Variants in SNRNP200 observed in about 807,000 individuals in gnomAD.
SNRNP200 encodes U5 small nuclear ribonucleoprotein 200 kDa helicase.
A neutral mutation model predicts 255.2 loss-of-function variants in SNRNP200; 66 were observed. That is an observed-to-expected ratio of 0.26 (90% CI 0.21 to 0.32). The LOEUF (loss-of-function observed/expected upper bound fraction) is 0.32, where lower values mean the gene tolerates loss of function less well. Among genes scored for constraint, SNRNP200 ranks in the 10% least tolerant of loss-of-function variants. SNRNP200 has a pLI of 1.00. For missense variants in SNRNP200, 1,585 were observed against 2,749.8 expected, an observed-to-expected ratio of 0.58 and a Z score of 9.47; for synonymous variants, 939 against 1,027.8, an observed-to-expected ratio of 0.91 and a Z score of 1.65.
intron 13 of SNRNP200, among the ~76,000 whole-genome samples, chr2:96,296,161 C>G (rs1427122892): frequency 6.6e-6 from 1 of 152,022 alleles, no homozygotes; most frequent in Non-Finnish European, 1.5e-5. Context: ...ACTCTGTACA[C>G]AAGAGGAAGA....
Position 96,287,292 on chromosome 2 carries a change from C to T in SNRNP200, c.3485-132G>A. 1 of 1,302,462 alleles carries T rather than the reference C, an allele frequency of 7.7e-7. No homozygotes were observed. The highest frequency in any genetic ancestry group is 1.1e-6 in the Non-Finnish European group (1 of 897,218). The allele number at this position is 1,302,462 out of a possible 1,614,324, so 80.7% of individuals were successfully genotyped here. ...CAGTGGAGCCCAGGATTCCAAGTCC[C>T]CAGACCAAGGGCCAGCCTGTACTTC... On this transcript the variant is annotated intron_variant, in intron 26 of 44. Transcript: ENST00000323853. This position sits in a 1 kb window ranked among gnomAD's most constrained non-coding sequence, Gnocchi z 5.7.
At position 96,278,673 on chromosome 2, in the gene SNRNP200, G is replaced by C; in HGVS notation, c.5362C>G (p.Leu1788Val). ...HRHLSDHLSE[L>V]VEQTLSDLEQ... ...AGGTCACTCAGGGTCTGCTCCACCA[G>C]CTCTGACAAGTGGTCCGACAAGTGA... Residue 1788 changes from leucine (L) to valine (V), a missense_variant, in exon 38 of 45, where the codon CTG becomes GTG. Physicochemically the swap from Leu to Val is conservative, Grantham distance 32 (BLOSUM62 1). Coordinates refer to ENST00000323853, the MANE Select transcript of SNRNP200 (RefSeq NM_014014.5). The surrounding 1 kb of genome is among the most constrained non-coding windows in gnomAD (Gnocchi z 6.9). 1 of 1,614,238 alleles carries C rather than the reference G, an allele frequency of 6.2e-7. No individual in the cohort carries two copies. Among genetic ancestry groups the C allele is most frequent in the Non-Finnish European group, 8.5e-7 (1 of 1,180,044 alleles).
rs1169324013 is a variant in SNRNP200, at chr2:96,274,642, T to A, written c.*370A>T. 4 of 351,878 alleles carry A rather than the reference T, an allele frequency of 1.1e-5. No individual in the cohort carries two copies. The highest frequency in any genetic ancestry group is 8.5e-5 in the African/African-American group (4 of 46,868). 21.8% of individuals were successfully genotyped at this position (351,878 alleles called of 1,614,324 possible). On this transcript the variant is annotated 3_prime_UTR_variant, in exon 45 of 45. Coordinates refer to ENST00000323853, the MANE Select transcript of SNRNP200 (RefSeq NM_014014.5). ...CCAGACATACTCATTAACAAGCACG[T>A]TCCTGGCTAAAAAATAACCAGATCT...
rs1335127358 is a variant in SNRNP200, at chr2:96,283,036, C to T, written c.4915+165G>A. On this transcript the variant is annotated intron_variant, in intron 34 of 44. Coordinates refer to ENST00000323853, the MANE Select transcript of SNRNP200 (RefSeq NM_014014.5). The surrounding 1 kb of genome is among the most constrained non-coding windows in gnomAD (Gnocchi z 4.7). ...GATAGTGTTTGTCTCACCTGCCTCACGAGGTTCTTGGGAGGATCAAATGAG... is the reference window on the plus strand; with the variant it reads ...GATAGTGTTTGTCTCACCTGCCTCATGAGGTTCTTGGGAGGATCAAATGAG... 3 of 854,848 alleles carry T rather than the reference C, an allele frequency of 3.5e-6. No individual in the cohort carries two copies. The highest frequency in any genetic ancestry group is 5.7e-6 in the Non-Finnish European group (3 of 527,690). The allele number at this position is 854,848 out of a possible 1,614,324, so 53.0% of individuals were successfully genotyped here. A position where few individuals can be genotyped will look rare whatever the true frequency, so the allele number is the denominator to read the frequency against.
Position 96,299,353 on chromosome 2 carries a change from G to A in SNRNP200, c.705C>T (p.Val235=), listed in dbSNP as rs148119575. The stretch of plus-strand genomic sequence containing the variant: ...CATTAGCCGAGAGGGTGCAGCGCAC[G>A]ACAGCCTCGTCCCCTTCCATGTCAT... ...SDDDMEGDEA[V]VRCTLSANLV... The change falls in exon 6 of 45, where the codon GTC becomes GTT. Residue 235 remains valine (V), a synonymous_variant. Transcript: ENST00000323853. 61 of 1,613,962 alleles carry A rather than the reference G, an allele frequency of 3.8e-5. No individual in the cohort carries two copies. The South Asian group carries it at 5.6e-4, about 15-fold the overall frequency.
chr2:96,295,161 A>G (rs1320369274), intron 14 of SNRNP200, among the ~76,000 whole-genome samples: 1 of 152,206 alleles, frequency 6.6e-6, no homozygotes, highest in Non-Finnish European at 1.5e-5. Context: ...GTGAGCCAAG[A>G]TCGTGCCACT....
At position 96,283,223 on chromosome 2, in the gene SNRNP200, C is replaced by G. The variant is rs2063816328; in HGVS notation, c.4893G>C (p.Leu1631=). ...HEGLSPMERR[L]VEQLFSSGAI... Reference sequence around the variant, plus strand: ...TACCTGAGCTGAAGAGCTGCTCCACCAGGCGTCGCTCCATGGGGCTGAGCC... The same window carrying G: ...TACCTGAGCTGAAGAGCTGCTCCACGAGGCGTCGCTCCATGGGGCTGAGCC... Residue 1631 remains leucine, a synonymous_variant, in exon 34 of 45, where the codon CTG becomes CTC. Transcript: ENST00000323853. This position sits in a 1 kb window ranked among gnomAD's most constrained non-coding sequence, Gnocchi z 4.7. The G allele has an allele frequency of 1.9e-6, 3 of 1,614,194 alleles. No homozygotes were observed. The highest frequency in any genetic ancestry group is 1.3e-5 in the African/African-American group (1 of 75,058).
At chr2:96,301,781 G>A (rs2063954213) in intron 3 of SNRNP200, 65 bp from the exon 4 acceptor site, 7 of 1,570,156 alleles carry the variant, frequency 4.5e-6, no homozygotes, top group Non-Finnish European at 6.1e-6. Context: ...TCAACCAGGT[G>A]TATGTGGCGG....
At position 96,281,950 on chromosome 2, in the gene SNRNP200, G is replaced by A. The variant is rs543410799; in HGVS notation, c.4916-28C>T. The A allele has an allele frequency of 1.2e-5, 19 of 1,562,156 alleles. No individual in the cohort carries two copies. The African/African-American group carries it at 2.4e-4, about 20-fold the overall frequency. On this transcript the variant is annotated intron_variant, in intron 34 of 44. Transcript: ENST00000323853. ...GAGCAGTAGAGGGGAGAGGAAGGCT[G>A]AGGGCAGGGGTCTCCGGGTGAAGTA...
At chr2:96,297,199 G>A in intron 11 of SNRNP200, 129 bp from the exon 12 acceptor site, 2 of 1,501,292 alleles carry the variant, frequency 1.3e-6, no homozygotes, top group Non-Finnish European at 1.8e-6. Context: ...TCAGTCCAGA[G>A]ATCAATATTG....
chr2:96,287,900 T>C lies in SNRNP200; in HGVS notation c.3328A>G (p.Lys1110Glu). 1 of 1,614,252 alleles carries C rather than the reference T, an allele frequency of 6.2e-7. No individual in the cohort carries two copies. ...LNRGWAQLTDKTLNLCKMIDK... is the reference protein window; with the variant it reads ...LNRGWAQLTDETLNLCKMIDK... The stretch of plus-strand genomic sequence containing the variant: ...ATCATCTTGCAGAGGTTCAGGGTCT[T>C]GTCTGTAAGCTGTGCCCAACCTCGG... Residue 1110 changes from lysine (K) to glutamate (E), a missense_variant, in exon 25 of 45, where the codon AAG becomes GAG. Coordinates refer to ENST00000323853, the MANE Select transcript of SNRNP200 (RefSeq NM_014014.5). The surrounding 1 kb of genome is among the most constrained non-coding windows in gnomAD (Gnocchi z 5.7).
Position 96,278,978 on chromosome 2 carries a change from T to C in SNRNP200, c.5154A>G (p.Leu1718=). The change falls in exon 37 of 45, where the codon TTA becomes TTG. Residue 1718 remains leucine (L), a synonymous_variant. Coordinates refer to ENST00000323853, the MANE Select transcript of SNRNP200 (RefSeq NM_014014.5). This position sits in a 1 kb window ranked among gnomAD's most constrained non-coding sequence, Gnocchi z 6.9. ...GAGATTCTACTGGCAATGGCTCATATAAGAACTTCTTGAAGAAATCCTGTG... is the reference window on the plus strand; with the variant it reads ...GAGATTCTACTGGCAATGGCTCATACAAGAACTTCTTGAAGAAATCCTGTG... The part of the protein sequence containing the change: ...GSKKDFFKKF[L]YEPLPVESHL... 1 of 1,614,012 alleles carries C rather than the reference T, an allele frequency of 6.2e-7. No individual in the cohort carries two copies. Among genetic ancestry groups the C allele is most frequent in the Non-Finnish European group, 8.5e-7 (1 of 1,179,888 alleles).
chr2:96,291,304 A>G lies in SNRNP200; in HGVS notation c.2421+88T>C. 2 of 833,462 alleles carry G rather than the reference A, an allele frequency of 2.4e-6. No individual in the cohort carries two copies. The highest frequency in any genetic ancestry group is 2.6e-5 in the South Asian group (2 of 75,644). 51.6% of individuals were successfully genotyped at this position (833,462 alleles called of 1,614,324 possible). On this transcript the variant is annotated intron_variant, in intron 18 of 44. Transcript: ENST00000323853. The surrounding 1 kb of genome is among the most constrained non-coding windows in gnomAD (Gnocchi z 4.2). ...CTAGCTGGGCCAGAAGCAATAAAGT[A>G]CCAGGAGCAAACATGGCACAAACTT...
At chr2:96,279,627 C>T (rs1684726212) in intron 35 of SNRNP200, 68 bp from the exon 36 acceptor site, 1 of 958,040 alleles carries the variant, frequency 1.0e-6, no homozygotes, top group Non-Finnish European at 1.7e-6. Flanking sequence ...GGAAGCCCAA[C>T]TCCCTTCGCC....
rs1465830178 is a variant in SNRNP200 at position 96,291,740 on chromosome 2, C to G, written c.2310+11G>C. On this transcript the variant is annotated intron_variant, in intron 17 of 44. Transcript: ENST00000323853. The surrounding 1 kb of genome is among the most constrained non-coding windows in gnomAD (Gnocchi z 4.2). ...GGTAGGAATGAGAGAACCCAGCTGG[C>G]CCCTCCTCACCTTGCACTGCTCAGC... The G allele has an allele frequency of 6.2e-7, 1 of 1,613,894 alleles. No homozygotes were observed. Among genetic ancestry groups the G allele is most frequent in the African/African-American group, 1.3e-5 (1 of 75,040 alleles).
In SNRNP200 at chr2:96,298,945, A is replaced by ACCAAGGAGT; in HGVS notation, c.751_752insACTCCTTGG (p.Met251delinsAsnSerLeuVal). 6.2e-7 allele frequency: 1 copy of ACCAAGGAGT among 1,614,024 alleles called. No homozygotes were observed. ...GTGCAAATCCTTCTTCTTGGAACTC[A>ACCAAGGAGT]TCAGTTCACCTGAGGCTACGAGCTA... On this transcript the variant is annotated protein_altering_variant, in exon 7 of 45. Transcript: ENST00000323853.
chr2:96,302,524 T>G (rs1370689067), intron 3 of SNRNP200, among the ~76,000 whole-genome samples: 3 of 152,064 alleles, frequency 2.0e-5, no homozygotes, highest in Non-Finnish European at 4.4e-5. Flanking sequence ...CAGCAACCAA[T>G]CCAAAAATTG....
At chr2:96,304,557 T>G (rs956537335) in intron 2 of SNRNP200, 148 bp downstream of exon 2, 48 of 1,116,048 alleles carry the variant, frequency 4.3e-5, no homozygotes, top group Non-Finnish European at 6.4e-5. Context: ...CAAAAAATCT[T>G]TAAACTCTCC....
intron 29 of SNRNP200, 65 bp from the exon 30 acceptor site, chr2:96,285,405 G>A: frequency 6.4e-7 from 1 of 1,553,128 alleles, no homozygotes; most frequent in Non-Finnish European, 8.9e-7. Flanking sequence ...CTGGGACATG[G>A]ATCAATTGTC....
Sources: gnomAD v4.1 joint callset for allele counts (sites outside exome capture counted in the v4.1 genomes callset) on GRCh38, gnomAD v4.1.1 for gene constraint, Gnocchi (gnomAD v3.1) non-coding constraint, MANE v1.5 for transcripts, NCBI Gene and HGNC (gene_info 2026-07-23, HGNC 2026-07-21) for gene names.